The following CPS1 variants were observed in gnomAD, a reference collection of about 807,000 sequenced individuals.
CPS1 encodes carbamoyl-phosphate synthase [ammonia], mitochondrial.
Under a neutral mutation model 174.6 loss-of-function variants are expected in CPS1, and 109 were observed. That is an observed-to-expected ratio of 0.62 (90% CI 0.53 to 0.73). CPS1 has a LOEUF of 0.73. Among genes scored for constraint, CPS1 ranks in the 30% least tolerant of loss-of-function variants. The pLI, the probability that CPS1 is intolerant of heterozygous loss-of-function variation, is 0.00. For missense variants in CPS1, 1,689 were observed against 1,821.9 expected, an observed-to-expected ratio of 0.93 and a Z score of 1.33; for synonymous variants, 637 against 632.0, an observed-to-expected ratio of 1.01 and a Z score of -0.12.
At chr2:210,516,074 A>G (rs1695675033) in intron 1 of CPS1, among the ~76,000 whole-genome samples, 1 of 151,630 alleles carries the variant, frequency 6.6e-6, no homozygotes. Context: ...GAGTATTTCT[A>G]TGTTTTTGAA....
intron 1 of CPS1, among the ~76,000 whole-genome samples, chr2:210,494,009 C>T (rs990948030): frequency 1.1e-4 from 16 of 152,290 alleles, no homozygotes; most frequent in African/African-American, 3.9e-4. Flanking sequence ...TATTAGATTA[C>T]AAGCACCTTG....
chr2:210,572,660 ACTCT>A (rs573670519), intron 1 of CPS1, among the ~76,000 whole-genome samples: 23 of 152,114 alleles, frequency 1.5e-4, no homozygotes, highest in South Asian at 4.1e-4. Flanking sequence ...GATATAATTA[ACTCT>A]AATAAAAAAG....
At chr2:210,571,354 G>C (rs535494380) in intron 1 of CPS1, among the ~76,000 whole-genome samples, 7 of 151,684 alleles carry the variant, frequency 4.6e-5, no homozygotes, top group Non-Finnish European at 8.9e-5. Context: ...AGGAACACAC[G>C]CATATGCTCA....
rs1256930702 is a variant in CPS1, at chr2:210,573,382, G to A, written c.211G>A (p.Val71Met). The change falls in exon 2 of 38, where the codon GTG becomes ATG. Residue 71 changes from valine (V) to methionine (M), a missense_variant. By Grantham distance (21) the Val-to-Met change is conservative (BLOSUM62 1). Transcript: ENST00000233072. ...CCATCCATCCTCTGTTGCTGGTGAA[G>A]TGGTTTTTAATACTGGCCTGGGAGG... Reference protein sequence around the residue: ...FGHPSSVAGEVVFNTGLGGYP... With the variant: ...FGHPSSVAGEMVFNTGLGGYP... 5 of 1,613,078 alleles carry A rather than the reference G, an allele frequency of 3.1e-6. No homozygotes were observed. The highest frequency in any genetic ancestry group is 3.3e-5 in the Admixed American group (2 of 59,958).
chr2:210,656,423 C>T (rs1700707336), intron 29 of CPS1, 102 bp from the exon 30 acceptor site: 2 of 781,500 alleles, frequency 2.6e-6, no homozygotes, highest in South Asian at 2.9e-5. Flanking sequence ...ACTTAGTGCT[C>T]AGTGCATCTG....
intron 1 of CPS1, among the ~76,000 whole-genome samples, chr2:210,537,244 C>T (rs1341808256): frequency 6.6e-6 from 1 of 152,128 alleles, no homozygotes; most frequent in African/African-American, 2.4e-5. Flanking sequence ...GTGAGAAGGG[C>T]TAGTGAAAAT....
chr2:210,555,706 A>C (rs1696892527), upstream of CPS1: 1 of 455,398 alleles, frequency 2.2e-6, no homozygotes, highest in Non-Finnish European at 4.4e-6. Flanking sequence ...GTATCAAAGA[A>C]CACTGCTGCA....
intron 33 of CPS1, among the ~76,000 whole-genome samples, chr2:210,664,469 A>G (rs1424637472): frequency 6.6e-6 from 1 of 151,846 alleles, no homozygotes; most frequent in Non-Finnish European, 1.5e-5. Context: ...CCTCCTGAGT[A>G]GCTGGGATTA....
intron 1 of CPS1, among the ~76,000 whole-genome samples, chr2:210,501,880 T>G (rs1269741225): frequency 6.6e-6 from 1 of 152,154 alleles, no homozygotes; most frequent in African/African-American, 2.4e-5. Context: ...AGTACCAAGT[T>G]ACTGTATTAG....
At chr2:210,486,250 A>C (rs946699311) in intron 1 of CPS1, among the ~76,000 whole-genome samples, 9 of 151,712 alleles carry the variant, frequency 5.9e-5, no homozygotes, top group Non-Finnish European at 7.4e-5. Context: ...TATTTACTTA[A>C]TATTATTCAT....
At chr2:210,664,406 C>T (rs1230069487) in intron 33 of CPS1, among the ~76,000 whole-genome samples, 1 of 151,804 alleles carries the variant, frequency 6.6e-6, no homozygotes, top group Non-Finnish European at 1.5e-5. Flanking sequence ...ACGGCATGAT[C>T]TCAGCTCATT....
chr2:210,542,849 A>T (rs1292239939), intron 1 of CPS1, among the ~76,000 whole-genome samples: 3 of 151,976 alleles, frequency 2.0e-5, no homozygotes, highest in Admixed American at 1.3e-4. Flanking sequence ...TCACTCTCTG[A>T]TCTACTTCAG....
intron 20 of CPS1, among the ~76,000 whole-genome samples, chr2:210,613,391 C>T (rs189445787): frequency 1.4e-3 from 218 of 151,932 alleles, no homozygotes; most frequent in African/African-American, 5.1e-3. Context: ...GCTATTATCT[C>T]TTGATGGACA....
chr2:210,506,374 C>T (rs1449669406), intron 1 of CPS1, among the ~76,000 whole-genome samples: 1 of 152,062 alleles, frequency 6.6e-6, no homozygotes, highest in Non-Finnish European at 1.5e-5. Context: ...CACACCAAAA[C>T]CCCATCTGTA....
intron 1 of CPS1, among the ~76,000 whole-genome samples, chr2:210,489,387 A>C (rs1694808653): frequency 6.6e-6 from 1 of 152,154 alleles, no homozygotes; most frequent in Non-Finnish European, 1.5e-5. Flanking sequence ...GTTGGGTGTC[A>C]CATAGGTAGA....
At chr2:210,592,086 C>A (rs1028631451) in intron 10 of CPS1, 117 bp downstream of exon 10, 1 of 1,148,496 alleles carries the variant, frequency 8.7e-7, no homozygotes, top group Non-Finnish European at 1.2e-6. Context: ...TTGATACATG[C>A]ATATCATATG....
Position 210,577,481 on chromosome 2 carries a change from A to T in CPS1, c.442A>T (p.Ser148Cys). 6.2e-7 allele frequency: 1 copy of T among 1,613,784 alleles called. No homozygotes were observed. Among genetic ancestry groups the T allele is most frequent in the East Asian group, 2.2e-5 (1 of 44,844 alleles). ...CTACAACCACTGGCTGGCTACCAAG[A>T]GTTTAGGGCAATGGCTACAGGAAGA... ...KDYNHWLATK[S>C]LGQWLQEEKV... Residue 148 changes from serine (S) to cysteine (C), a missense_variant, in exon 4 of 38, where the codon AGT becomes TGT. Coordinates refer to ENST00000233072, the MANE Select transcript of CPS1 (RefSeq NM_001875.5).
intron 35 of CPS1, 49 bp downstream of exon 35, chr2:210,675,010 A>G: frequency 1.4e-6 from 2 of 1,412,280 alleles, no homozygotes; most frequent in East Asian, 2.3e-5. Context: ...GAATCTGTCC[A>G]CAAATCAAAA....
At chr2:210,562,868 G>GTT (rs74421812) in intron 1 of CPS1, among the ~76,000 whole-genome samples, 14 of 136,538 alleles carry the variant, frequency 1.0e-4, no homozygotes, top group African/African-American at 3.2e-4. Context: ...TTTAAATGGT[G>GTT]TTTTTTTTTT....
Sources: gnomAD v4.1 joint callset for allele counts (sites outside exome capture counted in the v4.1 genomes callset) on GRCh38, gnomAD v4.1.1 for gene constraint, MANE v1.5 for transcripts, NCBI Gene and HGNC (gene_info 2026-07-23, HGNC 2026-07-21) for gene names.